The following ADGRL1 variants were observed in gnomAD, a reference collection of about 807,000 sequenced individuals.
The protein encoded by ADGRL1 is adhesion G protein-coupled receptor L1, also known as CIRL-1.
In ADGRL1, 31 loss-of-function variants were observed where a neutral mutation model predicts 148.9. That is an observed-to-expected ratio of 0.21 (90% CI 0.16 to 0.28). The LOEUF is 0.28. Among genes scored for constraint, ADGRL1 ranks in the 10% least tolerant of loss-of-function variants. The pLI, the probability that ADGRL1 is intolerant of heterozygous loss-of-function variation, is 1.00. For missense variants in ADGRL1, 1,521 were observed against 2,058.8 expected (o/e 0.74, Z 5.05); for synonymous variants, 937 against 900.3 (o/e 1.04, Z -0.73).
Position 14,160,360 on chromosome 19 carries a change from C to T in ADGRL1, c.1615-63G>A, listed in dbSNP as rs930967993. 5.0e-5 allele frequency: 73 copies of T among 1,469,504 alleles called. No homozygotes were observed. Among genetic ancestry groups the T allele is most frequent in the Non-Finnish European group, 6.3e-5 (68 of 1,079,892 alleles). 91.0% of individuals were successfully genotyped at this position (1,469,504 alleles called of 1,614,324 possible). A position where few individuals can be genotyped will look rare whatever the true frequency, so the allele number is the denominator to read the frequency against. On this transcript the variant is annotated intron_variant, in intron 7 of 22. Transcript: ENST00000361434. This position sits in a 1 kb window ranked among gnomAD's most constrained non-coding sequence, Gnocchi z 5.9. ...CTGTCAGGGACCATCCTGCCCTCCCCGGCTTCCCTGGCCTGTGCAGCCTCT... is the reference window on the plus strand; with the variant it reads ...CTGTCAGGGACCATCCTGCCCTCCCTGGCTTCCCTGGCCTGTGCAGCCTCT...
rs775175872 is a variant in ADGRL1, at chr19:14,150,832, T to C, written c.*41A>G. ...CACCAGAGCCCTGCCCAGGGTTCCC[T>C]CCCTGGCCTGGGCCACCAGCCCCTG... On this transcript the variant is annotated 3_prime_UTR_variant, in exon 23 of 23. Coordinates refer to ENST00000361434, the MANE Select transcript of ADGRL1 (RefSeq NM_014921.5). 1 of 1,594,564 alleles carries C rather than the reference T, an allele frequency of 6.3e-7. No individual in the cohort carries two copies. Among genetic ancestry groups the C allele is most frequent in the Non-Finnish European group, 8.5e-7 (1 of 1,172,122 alleles).
rs377528451 is a variant in ADGRL1, at chr19:14,152,298, C to T, written c.3649+11G>A. ...ATTTCCCAACCTGGGATGTTTCCCC[C>T]GTGCTCTCACCTGGGGAGTTGAAGA... On this transcript the variant is annotated intron_variant, in intron 21 of 22. Transcript: ENST00000361434. The surrounding 1 kb of genome is among the most constrained non-coding windows in gnomAD (Gnocchi z 6.1). The T allele has an allele frequency of 7.5e-6, 12 of 1,601,944 alleles. No homozygotes were observed. Among genetic ancestry groups the T allele is most frequent in the East Asian group, 2.2e-5 (1 of 44,758 alleles).
At chr19:14,175,691 GAC>G (rs1970779365) in intron 3 of ADGRL1, among the ~76,000 whole-genome samples, 2 of 149,052 alleles carry the variant, frequency 1.3e-5, no homozygotes, top group Non-Finnish European at 2.9e-5. Context: ...TAGACACACA[GAC>G]ACACTTAGTC....
intron 16 of ADGRL1, among the ~76,000 whole-genome samples, 173 bp from the exon 17 acceptor site, chr19:14,156,374 A>G (rs182365799): frequency 8.4e-4 from 128 of 152,056 alleles, no homozygotes; most frequent in African/African-American, 2.9e-3. Flanking sequence ...GATTGGCATG[A>G]CCGGCAATTT....
intron 1 of ADGRL1, among the ~76,000 whole-genome samples, chr19:14,195,145 A>C (rs1339882927): frequency 6.6e-6 from 1 of 151,982 alleles, no homozygotes; most frequent in Non-Finnish European, 1.5e-5. Context: ...TCAGCCTCCC[A>C]AAGTGCTGGG....
At position 14,158,431 on chromosome 19, in the gene ADGRL1, C is replaced by T; in HGVS notation, c.2271G>A (p.Val757=). 6.2e-7 allele frequency: 1 copy of T among 1,613,794 alleles called. No homozygotes were observed. Among genetic ancestry groups the T allele is most frequent in the East Asian group, 2.2e-5 (1 of 44,876 alleles). ...GPGGPGGASL[V]VNSQVIAASI... ...ATGCTGCGATGACCTGTGAGTTCAC[C>T]ACTAGAGAGGCGCCCCCAGGGCCAC... The change falls in exon 12 of 23, where the codon GTG becomes GTA. Residue 757 remains valine, a synonymous_variant. Coordinates refer to ENST00000361434, the MANE Select transcript of ADGRL1 (RefSeq NM_014921.5).
At position 14,152,054 on chromosome 19, in the gene ADGRL1, T is replaced by C; in HGVS notation, c.3667+79A>G. The C allele has an allele frequency of 3.6e-6, 5 of 1,385,862 alleles. No homozygotes were observed. Among genetic ancestry groups the C allele is most frequent in the South Asian group, 2.3e-5 (2 of 86,516 alleles). The allele number at this position is 1,385,862 out of a possible 1,614,324, so 85.8% of individuals were successfully genotyped here. ...GGGAGGCATCCCGAGTTCTCCTCCT[T>C]AAGTGAGGCCGTCTGAGAAGGCCAC... is the stretch of plus-strand genomic sequence containing the variant. On this transcript the variant is annotated intron_variant, in intron 22 of 22. Coordinates refer to ENST00000361434, the MANE Select transcript of ADGRL1 (RefSeq NM_014921.5). This position sits in a 1 kb window ranked among gnomAD's most constrained non-coding sequence, Gnocchi z 6.1.
At position 14,151,038 on chromosome 19, in the gene ADGRL1, G is replaced by C. The variant is rs562152172; in HGVS notation, c.4245C>G (p.Pro1415=). The change falls in exon 23 of 23, where the codon CCC becomes CCG. Residue 1415 remains proline (P), a synonymous_variant. Transcript: ENST00000361434. ...PPPPPAPPGP[P]EIYYTSRPPA... is the part of the protein sequence containing the mutation. ...GCGGGCGCGAGGTGTAGTAGATTTCGGGGGGGCCGGGGGGTGCGGGAGGGG... is the reference window on the plus strand; with the variant it reads ...GCGGGCGCGAGGTGTAGTAGATTTCCGGGGGGCCGGGGGGTGCGGGAGGGG... The C allele has an allele frequency of 4.7e-6, 7 of 1,503,110 alleles. No homozygotes were observed. The South Asian group carries it at 6.5e-5, about 14-fold the overall frequency. The allele number at this position is 1,503,110 out of a possible 1,614,324, so 93.1% of individuals were successfully genotyped here.
At chr19:14,184,050 C>G (rs1971405677) in intron 1 of ADGRL1, among the ~76,000 whole-genome samples, 1 of 152,194 alleles carries the variant, frequency 6.6e-6, no homozygotes. Flanking sequence ...TACTCGCATC[C>G]TCACCATGAG....
intron 3 of ADGRL1, among the ~76,000 whole-genome samples, chr19:14,172,991 G>A (rs1436176561): frequency 5.3e-5 from 8 of 152,100 alleles, no homozygotes; most frequent in South Asian, 2.1e-4. Flanking sequence ...ACAGGGTCCC[G>A]CTCTGTCACC....
chr19:14,178,263 G>A (rs893364181), intron 2 of ADGRL1, among the ~76,000 whole-genome samples: 4 of 152,150 alleles, frequency 2.6e-5, no homozygotes, highest in African/African-American at 9.7e-5. Flanking sequence ...CCAGCATTTT[G>A]GGAGACAGAG....
chr19:14,198,295 G>A (rs1972393582), intron 1 of ADGRL1, among the ~76,000 whole-genome samples: 4 of 152,266 alleles, frequency 2.6e-5, no homozygotes, highest in South Asian at 4.1e-4. Context: ...GGTGTTCACA[G>A]GTGTCCTCTG....
intron 1 of ADGRL1, among the ~76,000 whole-genome samples, chr19:14,197,575 GTCTC>G (rs1972340737): frequency 6.6e-6 from 1 of 152,114 alleles, no homozygotes; most frequent in Non-Finnish European, 1.5e-5. Flanking sequence ...CTCAGCGTCT[GTCTC>G]TCTCTCACAC....
At position 14,167,132 on chromosome 19, in the gene ADGRL1, C is replaced by T. The variant is rs1970049955; in HGVS notation, c.394+3550G>A. ...AGATTAAATTGCTTTCGTTTCTTTT[C>T]TGGCAACACGCCCCCTTTTCCTTTC... On this transcript the variant is annotated intron_variant, in intron 4 of 22. Coordinates refer to ENST00000361434, the MANE Select transcript of ADGRL1 (RefSeq NM_014921.5). 4 of 1,007,226 alleles carry T rather than the reference C, an allele frequency of 4.0e-6. No homozygotes were observed. In the Admixed American group the frequency reaches 8.3e-5, roughly 21 times the overall value. The allele number at this position is 1,007,226 out of a possible 1,614,324, so 62.4% of individuals were successfully genotyped here. A position where few individuals can be genotyped will look rare whatever the true frequency, so the allele number is the denominator to read the frequency against.
chr19:14,197,768 A>G (rs959290299), intron 1 of ADGRL1, among the ~76,000 whole-genome samples: 16 of 152,178 alleles, frequency 1.1e-4, no homozygotes, highest in African/African-American at 3.6e-4. Flanking sequence ...GGAAAGTACC[A>G]TTGTGGGTTG....
intron 3 of ADGRL1, among the ~76,000 whole-genome samples, chr19:14,171,966 G>C (rs1417598393): frequency 2.0e-5 from 3 of 152,206 alleles, no homozygotes; most frequent in Non-Finnish European, 4.4e-5. Context: ...GGGCAGAAGA[G>C]GCCCTGTGTC....
intron 2 of ADGRL1, among the ~76,000 whole-genome samples, chr19:14,182,006 C>T (rs189153109): frequency 6.6e-6 from 1 of 152,310 alleles, no homozygotes; most frequent in Non-Finnish European, 1.5e-5. Flanking sequence ...TGTTGGTCAT[C>T]ACCTTGTACC....
chr19:14,167,183 C>G (rs920702926), intron 4 of ADGRL1, among the ~76,000 whole-genome samples: 1 of 152,234 alleles, frequency 6.6e-6, no homozygotes, highest in African/African-American at 2.4e-5. Flanking sequence ...TTCCCCAACC[C>G]CTTCCGTAGC....
chr19:14,161,231 C>A lies in ADGRL1; in HGVS notation c.1510+81G>T, dbSNP rs935850006. The A allele has an allele frequency of 4.5e-6, 6 of 1,334,970 alleles. No homozygotes were observed. The African/African-American group carries it at 9.0e-5, about 20-fold the overall frequency. The allele number at this position is 1,334,970 out of a possible 1,614,324, so 82.7% of individuals were successfully genotyped here. A position where few individuals can be genotyped will look rare whatever the true frequency, so the allele number is the denominator to read the frequency against. Reference sequence around the variant, plus strand: ...GAAAACCTCTGCTCCGCAGTAGAGACCCCCACCCACACATGCATCTGTGCT... The same window carrying A: ...GAAAACCTCTGCTCCGCAGTAGAGAACCCCACCCACACATGCATCTGTGCT... On this transcript the variant is annotated intron_variant, in intron 6 of 22. Transcript: ENST00000361434. The surrounding 1 kb of genome is among the most constrained non-coding windows in gnomAD (Gnocchi z 4.4).
Sources: allele counts gnomAD v4.1 joint callset (sites outside exome capture counted in the v4.1 genomes callset), GRCh38; gene constraint gnomAD v4.1.1; non-coding constraint Gnocchi (gnomAD v3.1); transcripts MANE v1.5; gene names NCBI Gene and HGNC (gene_info 2026-07-23, HGNC 2026-07-21).